The following CDH2 variants were observed in gnomAD, a reference collection of about 807,000 sequenced individuals.
CDH2 encodes cadherin 2, also known as cadherin-2.
A neutral mutation model predicts 92.0 loss-of-function variants in CDH2; 17 were observed. The ratio of observed to expected loss-of-function variants is 0.18; its 90% CI spans 0.13 to 0.28. CDH2 has a LOEUF of 0.28. Ranked by LOEUF, CDH2 falls within the 10% of genes least tolerant of loss-of-function variation. The pLI is 1.00. For missense variants in CDH2, 862 were observed against 1,133.1 expected, an observed-to-expected ratio of 0.76 and a Z score of 3.44; for synonymous variants, 419 against 415.9, an observed-to-expected ratio of 1.01 and a Z score of -0.09.
rs75582549 is a variant in CDH2, at chr18:27,973,261, C to T, written c.2349+9683G>A. 2.1e-3 allele frequency among the ~76,000 whole-genome samples: 317 copies of T among 152,242 alleles called. 1 individual carries two copies. The highest frequency in any genetic ancestry group is 7.5e-3 in the African/African-American group (312 of 41,544). ...ACTTCATTGAAAAAAAGTCAGTGGACACTCATATGGTAATTATATCTAGGT... is the reference window on the plus strand; with the variant it reads ...ACTTCATTGAAAAAAAGTCAGTGGATACTCATATGGTAATTATATCTAGGT... On this transcript the variant is annotated intron_variant, in intron 14 of 15. Coordinates refer to ENST00000269141, the MANE Select transcript of CDH2 (RefSeq NM_001792.5).
intron 7 of CDH2, among the ~76,000 whole-genome samples, chr18:27,993,988 T>C (rs1266872000): frequency 6.6e-6 from 1 of 152,230 alleles, no homozygotes; most frequent in African/African-American, 2.4e-5. Flanking sequence ...GTATTTACTT[T>C]CTTCTATGTT....
At chr18:28,095,091 CT>C (rs1359402293) in intron 2 of CDH2, among the ~76,000 whole-genome samples, 1 of 152,146 alleles carries the variant, frequency 6.6e-6, no homozygotes, top group Non-Finnish European at 1.5e-5. Flanking sequence ...TTTTCACACT[CT>C]GTCAGTTAAC....
intron 15 of CDH2, among the ~76,000 whole-genome samples, chr18:27,960,049 A>ACACACACACACAC (rs773010323): frequency 4.7e-5 from 3 of 63,230 alleles, no homozygotes; most frequent in Admixed American, 1.3e-4. Context: ...CACACACACA[A>ACACACACACACAC]ACACACACTC....
chr18:28,002,096 T>C (rs28365284), intron 7 of CDH2, among the ~76,000 whole-genome samples: 6,577 of 152,172 alleles, frequency 0.043, 165 homozygotes, highest in South Asian at 0.07. Flanking sequence ...TGTAAGAAAA[T>C]AGTCAGGACA....
intron 2 of CDH2, among the ~76,000 whole-genome samples, chr18:28,122,499 G>A (rs778493635): frequency 2.6e-5 from 4 of 152,074 alleles, no homozygotes; most frequent in African/African-American, 9.7e-5. Context: ...CATAAATTAA[G>A]TTAGCTAAGT....
At chr18:27,935,776 T>C (rs1909003779) in intron 6 of CDH2, among the ~76,000 whole-genome samples, 1 of 152,222 alleles carries the variant, frequency 6.6e-6, no homozygotes, top group Admixed American at 6.5e-5. Flanking sequence ...GTCTCTATTG[T>C]TCAATGGCTA....
intron 1 of CDH2, among the ~76,000 whole-genome samples, chr18:28,169,412 AAG>A (rs2016432197): frequency 6.6e-6 from 1 of 151,234 alleles, no homozygotes; most frequent in South Asian, 2.1e-4. Flanking sequence ...GAAGGGAGAA[AAG>A]AGTCATTTTA....
At chr18:28,118,848 G>T (rs997863056) in intron 2 of CDH2, among the ~76,000 whole-genome samples, 2 of 151,978 alleles carry the variant, frequency 1.3e-5, no homozygotes, top group African/African-American at 4.8e-5. Flanking sequence ...ACTCTGAACT[G>T]CTTATGAAAG....
At chr18:28,065,513 C>A (rs1370109527) in intron 2 of CDH2, among the ~76,000 whole-genome samples, 2 of 152,124 alleles carry the variant, frequency 1.3e-5, no homozygotes, top group Admixed American at 1.3e-4. Context: ...CTTCCATCTC[C>A]TAATATGGAA....
intron 2 of CDH2, among the ~76,000 whole-genome samples, chr18:28,128,081 A>C: frequency 6.6e-6 from 1 of 152,204 alleles, no homozygotes; most frequent in East Asian, 1.9e-4. Context: ...GATTAAAGGA[A>C]GTGGTTAAAA....
At chr18:28,030,186 AAACT>A (rs1384485718) in intron 2 of CDH2, among the ~76,000 whole-genome samples, 1 of 152,064 alleles carries the variant, frequency 6.6e-6, no homozygotes, top group East Asian at 1.9e-4. Context: ...TTTTTTTGGA[AAACT>A]AACTTACAGT....
At chr18:27,965,642 A>C (rs1785613) in intron 14 of CDH2, among the ~76,000 whole-genome samples, 53,140 of 151,822 alleles carry the variant, frequency 0.35, 9,430 homozygotes, top group East Asian at 0.45. Context: ...TATTTACGGA[A>C]TATCTCAGAA....
chr18:28,137,133 T>C (rs1296107933), intron 2 of CDH2, among the ~76,000 whole-genome samples: 1 of 152,168 alleles, frequency 6.6e-6, no homozygotes, highest in Non-Finnish European at 1.5e-5. Flanking sequence ...GATGAGTCCA[T>C]ATGTTGAAGG....
At chr18:27,967,621 G>A (rs965439195) in intron 14 of CDH2, among the ~76,000 whole-genome samples, 3 of 152,078 alleles carry the variant, frequency 2.0e-5, no homozygotes, top group African/African-American at 7.2e-5. Context: ...TCAAACAAAG[G>A]CCAAGGAAAA....
At chr18:28,046,970 A>C (rs2014088812) in intron 2 of CDH2, among the ~76,000 whole-genome samples, 2 of 152,180 alleles carry the variant, frequency 1.3e-5, no homozygotes, top group South Asian at 4.1e-4. Context: ...AATCTAGTGG[A>C]GAGTTGGAAA....
At chr18:28,099,750 G>A (rs958308162) in intron 2 of CDH2, among the ~76,000 whole-genome samples, 1 of 152,064 alleles carries the variant, frequency 6.6e-6, no homozygotes, top group South Asian at 2.1e-4. Context: ...GAGACAGTGT[G>A]ATATTAGAGA....
chr18:28,062,846 G>T (rs533527578), intron 2 of CDH2, among the ~76,000 whole-genome samples: 1 of 152,184 alleles, frequency 6.6e-6, no homozygotes, highest in South Asian at 2.1e-4. Flanking sequence ...GGTGGCACAT[G>T]CTTGGAGTCC....
intron 2 of CDH2, among the ~76,000 whole-genome samples, chr18:28,086,096 C>T (rs982464308): frequency 3.3e-5 from 5 of 152,092 alleles, no homozygotes; most frequent in South Asian, 4.2e-4. Context: ...CAAGGGAGAA[C>T]GTCAACCTTC....
chr18:27,979,016 C>T (rs1055269858), intron 14 of CDH2, among the ~76,000 whole-genome samples: 1 of 151,408 alleles, frequency 6.6e-6, no homozygotes, highest in African/African-American at 2.4e-5. Flanking sequence ...ATAAACTGGA[C>T]AACATAAAAA....
Sources: gnomAD v4.1 joint callset for allele counts (sites outside exome capture counted in the v4.1 genomes callset) on GRCh38, gnomAD v4.1.1 for gene constraint, MANE v1.5 for transcripts, NCBI Gene and HGNC (gene_info 2026-07-23, HGNC 2026-07-21) for gene names.